Variants in LRMDA observed in about 807,000 individuals in gnomAD.
The protein encoded by LRMDA is leucine rich melanocyte differentiation associated.
In LRMDA, 18 loss-of-function variants were observed where a neutral mutation model predicts 29.8. The ratio of observed to expected loss-of-function variants is 0.60; its 90% CI spans 0.42 to 0.90. LRMDA has a LOEUF of 0.90. Ranked by LOEUF, LRMDA falls within the 40% of genes least tolerant of loss-of-function variation. LRMDA has a pLI of 0.00. For synonymous variants in LRMDA, 125 were observed against 109.4 expected, an observed-to-expected ratio of 1.14 and a Z score of -0.89; for missense variants, 273 against 273.9, an observed-to-expected ratio of 1.00 and a Z score of 0.02.
At chr10:75,564,286 A>G (rs1489918407) in intron 2 of LRMDA, among the ~76,000 whole-genome samples, 1 of 151,992 alleles carries the variant, frequency 6.6e-6, no homozygotes, top group African/African-American at 2.4e-5. Context: ...TTGATCTCAG[A>G]CTGCTGTGCT....
chr10:76,397,760 G>A lies in LRMDA; in HGVS notation c.601+73275G>A, dbSNP rs771398457. Among the ~76,000 whole-genome samples the A allele has an allele frequency of 5.3e-5, 8 of 152,180 alleles. No homozygotes were observed. The East Asian group carries it at 7.7e-4, about 15-fold the overall frequency. ...CTCAACAGTTCCCCTGCAGGATGTC[G>A]GAGAACCGGAGAGAGGGGACTGCTG... On this transcript the variant is annotated intron_variant, in intron 6 of 6. Coordinates refer to ENST00000611255, the MANE Select transcript of LRMDA (RefSeq NM_001305581.2).
intron 2 of LRMDA, among the ~76,000 whole-genome samples, chr10:75,899,701 A>G (rs1256464251): frequency 6.6e-6 from 1 of 152,194 alleles, no homozygotes; most frequent in Non-Finnish European, 1.5e-5. Context: ...GGGACTGATG[A>G]AGCATCCATT....
At chr10:75,806,594 G>C (rs904155837) in intron 2 of LRMDA, among the ~76,000 whole-genome samples, 4 of 151,420 alleles carry the variant, frequency 2.6e-5, no homozygotes, top group African/African-American at 7.3e-5. Context: ...GAAGACTCTG[G>C]GTGATTGATC....
chr10:75,820,432 A>G (rs574031780), intron 2 of LRMDA, among the ~76,000 whole-genome samples: 27 of 152,346 alleles, frequency 1.8e-4, no homozygotes, highest in African/African-American at 5.8e-4. Flanking sequence ...AATTAAGTGG[A>G]AAAAAACCCA....
At chr10:75,816,305 G>C (rs1396932502) in intron 2 of LRMDA, among the ~76,000 whole-genome samples, 1 of 152,190 alleles carries the variant, frequency 6.6e-6, no homozygotes, top group East Asian at 1.9e-4. Context: ...AACTCTGGGA[G>C]AGCTAAGGAG....
chr10:75,924,777 G>T (rs528667910), intron 2 of LRMDA, among the ~76,000 whole-genome samples: 1 of 152,248 alleles, frequency 6.6e-6, no homozygotes, highest in African/African-American at 2.4e-5. Context: ...GAGAGCACAG[G>T]CAGGGAGTGG....
At chr10:76,449,250 C>G (rs2132298286) in intron 6 of LRMDA, among the ~76,000 whole-genome samples, 1 of 151,798 alleles carries the variant, frequency 6.6e-6, no homozygotes, top group East Asian at 1.9e-4. Flanking sequence ...ATCTGGCTGA[C>G]AATTGTATAA....
chr10:76,035,948 T>C (rs1821147743), intron 2 of LRMDA, 60 bp from the exon 3 acceptor site: 1 of 1,567,648 alleles, frequency 6.4e-7, no homozygotes, highest in Non-Finnish European at 8.6e-7. Flanking sequence ...TTATTTCGGC[T>C]CATAATGGCC....
intron 2 of LRMDA, among the ~76,000 whole-genome samples, chr10:75,462,967 C>T (rs190290460): frequency 6.6e-6 from 1 of 152,254 alleles, no homozygotes; most frequent in East Asian, 1.9e-4. Context: ...AGACAATTAG[C>T]GGGGAGCAAA....
chr10:76,490,013 A>G (rs1441132783), intron 6 of LRMDA, among the ~76,000 whole-genome samples: 1 of 151,962 alleles, frequency 6.6e-6, no homozygotes, highest in Non-Finnish European at 1.5e-5. Flanking sequence ...AATAAAATGA[A>G]AATAAAAATA....
intron 6 of LRMDA, among the ~76,000 whole-genome samples, chr10:76,477,947 C>T (rs965524247): frequency 6.6e-6 from 1 of 152,082 alleles, no homozygotes; most frequent in Non-Finnish European, 1.5e-5. Flanking sequence ...ACCATAAAAA[C>T]CCTAGAAGAA....
At chr10:76,391,855 AG>A (rs574378460) in intron 6 of LRMDA, among the ~76,000 whole-genome samples, 99 of 152,282 alleles carry the variant, frequency 6.5e-4, no homozygotes, top group African/African-American at 2.2e-3. Context: ...GCCTTATTTA[AG>A]GTAACTGTTC....
intron 3 of LRMDA, among the ~76,000 whole-genome samples, chr10:76,037,321 A>C (rs750295349): frequency 6.6e-6 from 1 of 152,244 alleles, no homozygotes; most frequent in African/African-American, 2.4e-5. Context: ...CCACTTGTTC[A>C]CATTCATACA....
chr10:76,136,891 A>G (rs1297284134), intron 5 of LRMDA, among the ~76,000 whole-genome samples: 1 of 152,184 alleles, frequency 6.6e-6, no homozygotes, highest in Non-Finnish European at 1.5e-5. Context: ...TGTTAAGGAT[A>G]CCTATATGTC....
chr10:75,791,641 T>A (rs1843566740), intron 2 of LRMDA, among the ~76,000 whole-genome samples: 1 of 152,158 alleles, frequency 6.6e-6, no homozygotes, highest in Non-Finnish European at 1.5e-5. Context: ...GAATGATTGG[T>A]TATGCTTGTC....
chr10:75,821,399 A>C (rs1232155022), intron 2 of LRMDA, among the ~76,000 whole-genome samples: 1 of 152,232 alleles, frequency 6.6e-6, no homozygotes, highest in Non-Finnish European at 1.5e-5. Flanking sequence ...CATGAACAGA[A>C]TTGAAAACAA....
intron 2 of LRMDA, among the ~76,000 whole-genome samples, chr10:75,563,969 C>T (rs1840335991): frequency 6.6e-6 from 1 of 152,180 alleles, no homozygotes; most frequent in African/African-American, 2.4e-5. Flanking sequence ...TTAGGCTGCT[C>T]AGGGGTCAGG....
intron 5 of LRMDA, among the ~76,000 whole-genome samples, chr10:76,323,656 C>T (rs1388073111): frequency 1.3e-5 from 2 of 152,128 alleles, no homozygotes; most frequent in East Asian, 3.9e-4. Flanking sequence ...GGCTTTAGCT[C>T]ACAAGGATGT....
chr10:75,848,207 A>T (rs1844674239), intron 2 of LRMDA, among the ~76,000 whole-genome samples: 1 of 152,184 alleles, frequency 6.6e-6, no homozygotes, highest in Non-Finnish European at 1.5e-5. Context: ...GTGGTATGAA[A>T]TGTTATGCAG....
Sources: gnomAD v4.1 joint callset for allele counts (sites outside exome capture counted in the v4.1 genomes callset) on GRCh38, gnomAD v4.1.1 for gene constraint, MANE v1.5 for transcripts, NCBI Gene and HGNC (gene_info 2026-07-23, HGNC 2026-07-21) for gene names.